The following NCOA6 variants were observed in gnomAD, a reference collection of about 807,000 sequenced individuals.
The protein encoded by NCOA6 is nuclear receptor coactivator 6, also known as NRC RAP250.
A neutral mutation model predicts 171.4 loss-of-function variants in NCOA6; 49 were observed. That is an observed-to-expected ratio of 0.29 (90% confidence interval 0.23 to 0.36). The LOEUF (loss-of-function observed/expected upper bound fraction) is 0.36. NCOA6 is among the 10% of genes least tolerant of loss of function. NCOA6 has a pLI of 1.00. For synonymous variants in NCOA6, 910 were observed against 927.5 expected (o/e 0.98, Z 0.34); for missense variants, 2,248 against 2,554.5 (o/e 0.88, Z 2.59).
At chr20:34,812,019 G>A (rs2078680615) in intron 1 of NCOA6, among the ~76,000 whole-genome samples, 1 of 152,096 alleles carries the variant, frequency 6.6e-6, no homozygotes, top group Admixed American at 6.6e-5. Context: ...GGAGGCCGAG[G>A]TGGGAGGATC....
chr20:34,722,571 T>C (rs959247079), intron 14 of NCOA6, among the ~76,000 whole-genome samples: 3 of 150,984 alleles, frequency 2.0e-5, no homozygotes, highest in African/African-American at 7.3e-5. Context: ...TTCCAGCTAC[T>C]TGGGAAGCTG....
In NCOA6 at chr20:34,757,361, G is replaced by A; in HGVS notation, c.1387C>T (p.Leu463Phe). The A allele has an allele frequency of 6.2e-7, 1 of 1,614,208 alleles. No homozygotes were observed. Among genetic ancestry groups the A allele is most frequent in the African/African-American group, 1.3e-5 (1 of 75,066 alleles). The change falls in exon 7 of 15, where the codon CTT becomes TTT. Residue 463 changes from leucine to phenylalanine, a missense_variant. Leu to Phe is a conservative substitution (Grantham distance 22, BLOSUM62 0). This residue lies in a region of NCOA6 where 987 missense variants were observed against 1,104.7 expected (regional missense o/e 0.89). Coordinates refer to ENST00000359003, the MANE Select transcript of NCOA6 (RefSeq NM_014071.5). ...MGPRPPQNNP[L>F]PQGFQQPVSS... is the part of the protein sequence containing the mutation. Reference sequence around the variant, plus strand: ...ACAGGCTGCTGAAATCCCTGGGGAAGTGGGTTATTTTGAGGTGGCCTTGGT... The same window carrying A: ...ACAGGCTGCTGAAATCCCTGGGGAAATGGGTTATTTTGAGGTGGCCTTGGT...
At position 34,740,598 on chromosome 20, in the gene NCOA6, C is replaced by T. The variant is rs768750392; in HGVS notation, c.5658G>A (p.Leu1886=). 1 of 1,614,148 alleles carries T rather than the reference C, an allele frequency of 6.2e-7. No individual in the cohort carries two copies. The highest frequency in any genetic ancestry group is 8.5e-7 in the Non-Finnish European group (1 of 1,180,024). The part of the protein sequence containing the change: ...SKTPTPPAPT[L]LKMTSSPVGP... ...CCACAGGGCTAGAGGTCATTTTTAG[C>T]AGAGTGGGTGCTGGGGGCGTTGGGG... The change falls in exon 11 of 15, where the codon CTG becomes CTA. Residue 1886 remains leucine, a synonymous_variant. Coordinates refer to ENST00000359003, the MANE Select transcript of NCOA6 (RefSeq NM_014071.5).
intron 4 of NCOA6, among the ~76,000 whole-genome samples, chr20:34,775,081 G>T (rs2077266519): frequency 6.6e-6 from 1 of 152,172 alleles, no homozygotes; most frequent in Non-Finnish European, 1.5e-5. Context: ...TTCATTTAGA[G>T]AAGACATCAA....
intron 1 of NCOA6, chr20:34,820,648 G>GT (rs1440502579): frequency 1.3e-5 from 2 of 151,620 alleles, no homozygotes; most frequent in Non-Finnish European, 2.9e-5. Context: ...GCACATGCCT[G>GT]TAGTCCCAGC....
At chr20:34,810,408 A>AC (rs2078613371) in intron 1 of NCOA6, among the ~76,000 whole-genome samples, 1 of 152,268 alleles carries the variant, frequency 6.6e-6, no homozygotes, top group Non-Finnish European at 1.5e-5. Context: ...AATAAGTATT[A>AC]CAAGTGAGAA....
In NCOA6 at chr20:34,740,461, G is replaced by C. The variant is rs1238684052; in HGVS notation, c.5795C>G (p.Thr1932Ser). Residue 1932 changes from threonine (T) to serine (S), a missense_variant, in exon 11 of 15, where the codon ACC (threonine) becomes AGC (serine). Physicochemically the swap from Thr to Ser is moderately conservative, Grantham distance 58 (BLOSUM62 1). Transcript: ENST00000359003. The stretch of plus-strand genomic sequence containing the variant: ...TATGCCACCATGATTGCTTTTTGTG[G>C]TCGGTACGGCGGAGATGAGCTCGGA... ...VPSELISAVP[T>S]TKSNHGGIAS... The C allele has an allele frequency of 2.5e-6, 4 of 1,614,184 alleles. No homozygotes were observed. The highest frequency in any genetic ancestry group is 3.4e-6 in the Non-Finnish European group (4 of 1,180,028).
rs543406440 is a variant in NCOA6 at position 34,746,565 on chromosome 20, G to T, written c.2914+242C>A. Among the ~76,000 whole-genome samples the T allele has an allele frequency of 2.0e-5, 3 of 152,292 alleles. No individual in the cohort carries two copies. The South Asian group carries it at 6.2e-4, about 32-fold the overall frequency. On this transcript the variant is annotated intron_variant, in intron 10 of 14. Transcript: ENST00000359003. The stretch of plus-strand genomic sequence containing the variant: ...CAACCACATTTCAGTCCGATTTTAT[G>T]AGGACTTAAAATAACAAAGACAAAT...
chr20:34,739,192 A>G (rs2076054315), intron 11 of NCOA6, among the ~76,000 whole-genome samples: 1 of 152,238 alleles, frequency 6.6e-6, no homozygotes. Context: ...TGTACCAATC[A>G]ACAAAGAGAT....
chr20:34,715,441 CA>C, intron 14 of NCOA6, 76 bp from the exon 15 acceptor site: 1 of 1,068,244 alleles, frequency 9.4e-7, no homozygotes, highest in Non-Finnish European at 1.5e-6. Flanking sequence ...CCACAACAAG[CA>C]GGGCAGACCT....
chr20:34,768,829 G>A (rs1406518636), intron 4 of NCOA6, among the ~76,000 whole-genome samples: 1 of 152,094 alleles, frequency 6.6e-6, no homozygotes, highest in Admixed American at 6.6e-5. Context: ...GACCATGAAT[G>A]ATGCTTAGTA....
At chr20:34,721,904 A>G (rs1326866508) in intron 14 of NCOA6, among the ~76,000 whole-genome samples, 1 of 151,430 alleles carries the variant, frequency 6.6e-6, no homozygotes, top group African/African-American at 2.4e-5. Context: ...AAAATAAAGA[A>G]TTTAGCTAGC....
In NCOA6 at chr20:34,742,929, T is replaced by A. The variant is rs1264828139; in HGVS notation, c.3327A>T (p.Ser1109=). 6.2e-7 allele frequency: 1 copy of A among 1,614,186 alleles called. No homozygotes were observed. The highest frequency in any genetic ancestry group is 1.7e-5 in the Admixed American group (1 of 60,014). The change falls in exon 11 of 15, where the codon TCA becomes TCT. Residue 1109 remains serine (S), a synonymous_variant. Coordinates refer to ENST00000359003, the MANE Select transcript of NCOA6 (RefSeq NM_014071.5). ...GGCTCTCCTGATAGACCATTTTCCTTGAATTGCTTCCCAAGGGAGTATTCA... is the reference window on the plus strand; with the variant it reads ...GGCTCTCCTGATAGACCATTTTCCTAGAATTGCTTCCCAAGGGAGTATTCA... ...MPVNTPLGSN[S]RKMVYQESPQ... is the part of the protein sequence containing the mutation.
intron 3 of NCOA6, among the ~76,000 whole-genome samples, chr20:34,780,026 T>A (rs1209920967): frequency 6.6e-6 from 1 of 152,222 alleles, no homozygotes; most frequent in African/African-American, 2.4e-5. Flanking sequence ...AACCCAGCTC[T>A]GATTCTCAGG....
intron 8 of NCOA6, among the ~76,000 whole-genome samples, chr20:34,750,760 T>C (rs1352798311): frequency 1.3e-5 from 2 of 152,238 alleles, no homozygotes; most frequent in Non-Finnish European, 2.9e-5. Context: ...TACATTCCCA[T>C]ATGGTATCTT....
intron 12 of NCOA6, chr20:34,732,810 A>G (rs1044856688): frequency 2.2e-6 from 1 of 450,300 alleles, no homozygotes; most frequent in Non-Finnish European, 4.0e-6. Context: ...TCTACTCCAC[A>G]TGGTGAAATA....
intron 3 of NCOA6, 23 bp from the exon 4 acceptor site, chr20:34,776,471 T>C (rs982181320): frequency 1.2e-6 from 2 of 1,610,916 alleles, no homozygotes; most frequent in African/African-American, 2.7e-5. Context: ...AGAAAAAGAA[T>C]TATATTAATA....
Position 34,757,830 on chromosome 20 carries a change from A to T in NCOA6, c.918T>A (p.Phe306Leu). The T allele has an allele frequency of 5.0e-6, 8 of 1,614,080 alleles. No individual in the cohort carries two copies. Among genetic ancestry groups the T allele is most frequent in the Non-Finnish European group, 5.9e-6 (7 of 1,180,018 alleles). ...GAACAGGCACCTGAGTTGGGGCAGT[A>T]AACTGGGGTCGAATTCCCTGTGGCT... ...QQQPQGIRPQ[F>L]TAPTQVPVPP... Residue 306 changes from phenylalanine to leucine, a missense_variant, in exon 7 of 15, where the codon TTT becomes TTA. Transcript: ENST00000359003.
intron 14 of NCOA6, among the ~76,000 whole-genome samples, chr20:34,716,215 C>CA (rs34030662): frequency 0.47 from 34,665 of 73,366 alleles, 8,033 homozygotes; most frequent in East Asian, 0.6. Context: ...GACTCCGTCT[C>CA]AAAAAAAAAA....
Sources: allele counts gnomAD v4.1 joint callset (sites outside exome capture counted in the v4.1 genomes callset), GRCh38; gene constraint gnomAD v4.1.1; regional missense constraint gnomAD v4.1.1; transcripts MANE v1.5; gene names NCBI Gene and HGNC (gene_info 2026-07-23, HGNC 2026-07-21).